Variants in TLL2 observed in about 807,000 individuals in gnomAD.
TLL2 encodes tolloid like 2.
TLL2 carries 106 observed loss-of-function variants against 123.0 expected under a neutral mutation model. The ratio of observed to expected loss-of-function variants is 0.86; its 90% CI spans 0.74 to 1.01. The LOEUF is 1.01. Among genes scored for constraint, TLL2 ranks in the 50% least tolerant of loss-of-function variants. The pLI is 0.00. For missense variants in TLL2, 1,332 were observed against 1,336.7 expected (o/e 1.00, Z 0.06); for synonymous variants, 494 against 516.8 (o/e 0.96, Z 0.60).
intron 2 of TLL2, among the ~76,000 whole-genome samples, chr10:96,476,240 A>ATATATATATATATATATATATTTTTT: frequency 2.0e-4 from 4 of 20,496 alleles, no homozygotes; most frequent in Non-Finnish European, 4.0e-4. Flanking sequence ...ATATATATAT[A>ATATATATATATATATATATATTTTTT]TTTTATTTTT....
chr10:96,411,482 T>C (rs1846506939), intron 8 of TLL2, among the ~76,000 whole-genome samples: 1 of 152,238 alleles, frequency 6.6e-6, no homozygotes, highest in African/African-American at 2.4e-5. Context: ...CTTGAATGTT[T>C]GAGGGTTGGT....
intron 1 of TLL2, among the ~76,000 whole-genome samples, chr10:96,488,966 C>T (rs1016077298): frequency 6.6e-6 from 1 of 152,216 alleles, no homozygotes. Flanking sequence ...AGAGGTCCTT[C>T]CATTACATGA....
At chr10:96,491,618 T>A (rs1304972332) in intron 1 of TLL2, among the ~76,000 whole-genome samples, 2 of 152,172 alleles carry the variant, frequency 1.3e-5, no homozygotes, top group Non-Finnish European at 2.9e-5. Flanking sequence ...TATAAATTAG[T>A]CAAATACAGT....
chr10:96,509,498 A>G (rs965114674), intron 1 of TLL2, among the ~76,000 whole-genome samples: 54 of 152,318 alleles, frequency 3.5e-4, no homozygotes, highest in African/African-American at 1.2e-3. Flanking sequence ...CCCATTGCCT[A>G]AAGCAGCTAC....
intron 13 of TLL2, among the ~76,000 whole-genome samples, chr10:96,391,415 T>A (rs140729396): frequency 6.6e-6 from 1 of 152,234 alleles, no homozygotes; most frequent in African/African-American, 2.4e-5. Flanking sequence ...TGCCTATACC[T>A]CTGTGGTATC....
intron 16 of TLL2, among the ~76,000 whole-genome samples, chr10:96,384,271 A>C (rs1336524162): frequency 3.3e-5 from 5 of 152,244 alleles, no homozygotes; most frequent in African/African-American, 1.2e-4. Context: ...ATTCTACCCT[A>C]GAACTTTCCG....
intron 5 of TLL2, among the ~76,000 whole-genome samples, chr10:96,425,259 T>TTCTC (rs5787184): frequency 0.037 from 5,276 of 144,238 alleles, 266 homozygotes; most frequent in African/African-American, 0.11. Flanking sequence ...CATTACTGTT[T>TTCTC]TCTCTCTCTC....
rs201044804 is a variant in TLL2, at chr10:96,401,583, AAAAAC to A, written c.1267+3644_1267+3648del. 9.5e-3 allele frequency among the ~76,000 whole-genome samples: 1,440 copies of A among 152,180 alleles called. 26 individuals carry two copies. Among genetic ancestry groups the A allele is most frequent in the African/African-American group, 0.03 (1,244 of 41,498 alleles). ...GCCAAAAAAAAAAAACCTCAAAACAAAAAACAAAACAAAACAAAAACCATCACCAC... is the reference window on the plus strand; with the variant it reads ...GCCAAAAAAAAAAAACCTCAAAACAAAAAACAAAACAAAAACCATCACCAC... On this transcript the variant is annotated intron_variant, in intron 10 of 20. Transcript: ENST00000357947.
At chr10:96,512,532 C>G (rs1847641984) in intron 1 of TLL2, among the ~76,000 whole-genome samples, 1 of 152,228 alleles carries the variant, frequency 6.6e-6, no homozygotes, top group Non-Finnish European at 1.5e-5. Context: ...CCTCCCCATT[C>G]TTCTCTGCCG....
rs746137988 is a variant in TLL2, at chr10:96,400,482, C to T, written c.1268-3180G>A. ...GTAATGTAGATGTCATCCCCATTTC[C>T]CAGTTTGGAAACAGACAAGTAGGAA... On this transcript the variant is annotated intron_variant, in intron 10 of 20. Transcript: ENST00000357947. Among the ~76,000 whole-genome samples, 17 of 152,238 alleles carry T rather than the reference C, an allele frequency of 1.1e-4. No homozygotes were observed. In the South Asian group the frequency reaches 1.2e-3, roughly 11 times the overall value.
intron 3 of TLL2, among the ~76,000 whole-genome samples, chr10:96,433,727 C>A (rs1846767021): frequency 1.3e-5 from 2 of 152,112 alleles, no homozygotes; most frequent in South Asian, 2.1e-4. Context: ...AGTTTTTATA[C>A]TTTTTCCCCT....
intron 3 of TLL2, among the ~76,000 whole-genome samples, chr10:96,442,001 T>C (rs1846854754): frequency 6.6e-6 from 1 of 152,172 alleles, no homozygotes; most frequent in Non-Finnish European, 1.5e-5. Context: ...ATGAATATGG[T>C]TCTGGAAATC....
intron 2 of TLL2, among the ~76,000 whole-genome samples, chr10:96,479,772 C>T (rs1053011666): frequency 2.6e-5 from 4 of 152,240 alleles, no homozygotes. Context: ...CACAGCCCAC[C>T]CCAAAGGGCT....
At chr10:96,464,268 CAGCTACTTGGGA>C (rs1278585142) in intron 2 of TLL2, among the ~76,000 whole-genome samples, 4 of 152,020 alleles carry the variant, frequency 2.6e-5, no homozygotes, top group Non-Finnish European at 4.4e-5. Flanking sequence ...CCTGTAATCC[CAGCTACTTGGGA>C]AGCTGGGGCA....
intron 7 of TLL2, among the ~76,000 whole-genome samples, chr10:96,415,075 G>A (rs868868929): frequency 9.2e-5 from 14 of 152,256 alleles, no homozygotes; most frequent in Non-Finnish European, 8.8e-5. Context: ...GGGGAGGCAC[G>A]TGCCTTTTTT....
chr10:96,406,456 C>T lies in TLL2; in HGVS notation c.1165-1122G>A, dbSNP rs558541338. On this transcript the variant is annotated intron_variant, in intron 9 of 20. Transcript: ENST00000357947. ...CCTGACTCTATTCGTTTTCCAACCC[C>T]GGAGGACTTTGCTCTCAGCAGTTCC... 7.9e-5 allele frequency among the ~76,000 whole-genome samples: 12 copies of T among 152,242 alleles called. No homozygotes were observed. In the South Asian group the frequency reaches 8.3e-4, roughly 11 times the overall value.
At chr10:96,380,786 G>A (rs1163455417) in intron 16 of TLL2, among the ~76,000 whole-genome samples, 2 of 149,898 alleles carry the variant, frequency 1.3e-5, no homozygotes, top group Non-Finnish European at 3.0e-5. Flanking sequence ...TTGGGAGGCC[G>A]AGGCGGGTGG....
intron 1 of TLL2, among the ~76,000 whole-genome samples, chr10:96,482,130 C>T (rs557413682): frequency 5.9e-5 from 9 of 152,156 alleles, no homozygotes; most frequent in South Asian, 2.1e-4. Flanking sequence ...TGGTGGCGGG[C>T]GCCTGTAGTC....
chr10:96,488,501 C>T (rs1042153317), intron 1 of TLL2, among the ~76,000 whole-genome samples: 3 of 152,204 alleles, frequency 2.0e-5, no homozygotes, highest in African/African-American at 4.8e-5. Flanking sequence ...CAGATCTTGC[C>T]CCAGGATCCC....
Sources: allele counts gnomAD v4.1 joint callset (sites outside exome capture counted in the v4.1 genomes callset), GRCh38; gene constraint gnomAD v4.1.1; transcripts MANE v1.5; gene names NCBI Gene and HGNC (gene_info 2026-07-23, HGNC 2026-07-21).